The following UHRF1 variants were observed in gnomAD, a reference collection of about 807,000 sequenced individuals.
The protein encoded by UHRF1 is E3 ubiquitin-protein ligase UHRF1.
Under a neutral mutation model 96.5 loss-of-function variants are expected in UHRF1, and 9 were observed. The ratio of observed to expected loss-of-function variants is 0.09; its 90% CI spans 0.06 to 0.16. The LOEUF (loss-of-function observed/expected upper bound fraction) is 0.16, where lower values mean the gene tolerates loss of function less well. Among genes scored for constraint, UHRF1 ranks in the 10% least tolerant of loss-of-function variants. The probability of loss-of-function intolerance (pLI) is 1.00; values close to 1 mark genes in which losing one functional copy is unlikely to be tolerated. For synonymous variants in UHRF1, 455 were observed against 469.9 expected, an observed-to-expected ratio of 0.97 and a Z score of 0.41; for missense variants, 626 against 1,131.1, an observed-to-expected ratio of 0.55 and a Z score of 6.40.
chr19:4,947,032 TTG>T, intron 10 of UHRF1, 71 bp from the exon 11 acceptor site: 1 of 1,188,110 alleles, frequency 8.4e-7, no homozygotes, highest in East Asian at 2.4e-5. Context: ...CCTGGGGAGT[TTG>T]CTTTCAATGC....
chr19:4,951,011 G>T lies in UHRF1; in HGVS notation c.1818+15G>T. ...TGACCATGCAGGTGTGTCTGGGATG[G>T]GGGATGGCACTTTGGGAGGCCAAGG... is the stretch of plus-strand genomic sequence containing the variant. On this transcript the variant is annotated intron_variant, in intron 13 of 16. Transcript: ENST00000650932. The T allele has an allele frequency of 6.3e-7, 1 of 1,591,384 alleles. No homozygotes were observed. The highest frequency in any genetic ancestry group is 2.2e-5 in the East Asian group (1 of 44,518).
rs73534695 is a variant in UHRF1, at chr19:4,947,851, G to A, written c.1517+640G>A. ...GGTGGCTCACGCCTGTAATTCTCGC[G>A]CTTCAGGAGGCCGAGGCTCGAGGAT... is the stretch of plus-strand genomic sequence containing the variant. On this transcript the variant is annotated intron_variant, in intron 11 of 16. Transcript: ENST00000650932. Among the ~76,000 whole-genome samples the A allele has an allele frequency of 2.4e-3, 371 of 151,526 alleles. 1 individual carries two copies. Among genetic ancestry groups the A allele is most frequent in the African/African-American group, 8.3e-3 (343 of 41,478 alleles).
rs554764780 is a variant in UHRF1, at chr19:4,922,944, C to T, written c.154-6278C>T. Among the ~76,000 whole-genome samples the T allele has an allele frequency of 6.6e-5, 10 of 152,288 alleles. No homozygotes were observed. In the South Asian group the frequency reaches 1.2e-3, roughly 19 times the overall value. ...GGGAAGGGCCGAAGTCATGGAGGGGCGACCCGTCAGGCCCAGCAAGGGTGG... is the reference window on the plus strand; with the variant it reads ...GGGAAGGGCCGAAGTCATGGAGGGGTGACCCGTCAGGCCCAGCAAGGGTGG... On this transcript the variant is annotated intron_variant, in intron 2 of 16. Transcript: ENST00000650932.
intron 16 of UHRF1, among the ~76,000 whole-genome samples, chr19:4,959,291 C>T (rs1352308385): frequency 6.6e-6 from 1 of 150,544 alleles, no homozygotes; most frequent in African/African-American, 2.4e-5. Flanking sequence ...GATCACGCCA[C>T]TGCACTCCAG....
chr19:4,914,060 A>AC (rs1482362593), intron 2 of UHRF1, among the ~76,000 whole-genome samples: 2 of 150,290 alleles, frequency 1.3e-5, no homozygotes, highest in East Asian at 2.0e-4. Flanking sequence ...GGTGATTCAC[A>AC]CCCCCCTCCC....
At chr19:4,951,638 G>T (rs1052855973) in intron 13 of UHRF1, among the ~76,000 whole-genome samples, 6 of 149,790 alleles carry the variant, frequency 4.0e-5, no homozygotes, top group Non-Finnish European at 8.9e-5. Context: ...TTGGTAAAGG[G>T]ATCGCTGCAG....
intron 1 of UHRF1, chr19:4,910,646 T>A: frequency 2.5e-6 from 1 of 405,044 alleles, no homozygotes; most frequent in Non-Finnish European, 4.4e-6. Context: ...CTCTTTTCAT[T>A]CTCCTTCCTC....
chr19:4,947,318 T>C (rs1386369777), intron 11 of UHRF1, 107 bp downstream of exon 11: 2 of 1,035,362 alleles, frequency 1.9e-6, no homozygotes, highest in African/African-American at 3.2e-5. Flanking sequence ...AGGAGCGTGG[T>C]AGAACATAGC....
intron 2 of UHRF1, among the ~76,000 whole-genome samples, chr19:4,928,775 CT>C: frequency 6.6e-6 from 1 of 152,320 alleles, no homozygotes; most frequent in East Asian, 1.9e-4. Flanking sequence ...CTAGGAGCTT[CT>C]CCCAGTGGCG....
chr19:4,921,154 AGGATGCC>A (rs1267746091), intron 2 of UHRF1, among the ~76,000 whole-genome samples: 1 of 148,202 alleles, frequency 6.7e-6, no homozygotes, highest in African/African-American at 2.5e-5. Context: ...AAAATCGGCC[AGGATGCC>A]GGGCACGGTG....
chr19:4,924,221 C>T (rs2032795188), intron 2 of UHRF1, among the ~76,000 whole-genome samples: 1 of 152,192 alleles, frequency 6.6e-6, no homozygotes, highest in South Asian at 2.1e-4. Flanking sequence ...GTGATCTCGG[C>T]TCACGGCAAG....
intron 16 of UHRF1, among the ~76,000 whole-genome samples, chr19:4,957,899 C>A (rs936227241): frequency 6.6e-6 from 1 of 152,204 alleles, no homozygotes; most frequent in Non-Finnish European, 1.5e-5. Flanking sequence ...TGGCCAGAGC[C>A]GGCAGTCCCG....
chr19:4,911,387 A>C (rs1423479744), intron 2 of UHRF1, among the ~76,000 whole-genome samples: 3 of 152,162 alleles, frequency 2.0e-5, no homozygotes, highest in African/African-American at 7.2e-5. Context: ...AGGGCCCAGG[A>C]CCATCTGGTA....
chr19:4,957,695 G>C (rs1053443615), intron 16 of UHRF1, among the ~76,000 whole-genome samples: 12 of 152,156 alleles, frequency 7.9e-5, no homozygotes, highest in African/African-American at 2.2e-4. Flanking sequence ...CTGGATCATT[G>C]TCTGGGGTGG....
intron 2 of UHRF1, among the ~76,000 whole-genome samples, chr19:4,916,998 G>A (rs1001728756): frequency 6.6e-6 from 1 of 151,198 alleles, no homozygotes; most frequent in African/African-American, 2.4e-5. Flanking sequence ...CTGCTGTGCC[G>A]CTAGGCAGTG....
chr19:4,936,144 C>T (rs534091375), intron 5 of UHRF1, among the ~76,000 whole-genome samples: 3 of 152,254 alleles, frequency 2.0e-5, no homozygotes, highest in East Asian at 1.9e-4. Context: ...TCGGTCCAGG[C>T]GGCCTTGGGG....
At chr19:4,913,914 C>T (rs190066925) in intron 2 of UHRF1, among the ~76,000 whole-genome samples, 12 of 149,452 alleles carry the variant, frequency 8.0e-5, no homozygotes, top group Admixed American at 2.0e-4. Context: ...TGGGTTCCAG[C>T]GATTCTTCTG....
chr19:4,915,356 G>A (rs1568407296), intron 2 of UHRF1, among the ~76,000 whole-genome samples: 1 of 152,198 alleles, frequency 6.6e-6, no homozygotes, highest in African/African-American at 2.4e-5. Context: ...TTGTGGCCCC[G>A]AAGCAGCTGT....
At position 4,941,107 on chromosome 19, in the gene UHRF1, T is replaced by G. The variant is rs1361484479; in HGVS notation, c.786-421T>G. Among the ~76,000 whole-genome samples, 14 of 125,848 alleles carry G rather than the reference T, an allele frequency of 1.1e-4. No individual in the cohort carries two copies. The South Asian group carries it at 3.5e-3, about 31-fold the overall frequency. 82.6% of individuals were successfully genotyped at this position (125,848 alleles called of 152,430 possible). ...TTTGTTTTTTTTTTTTTTTTTTTTT[T>G]TGAGACTGAGTCTTGCCCTGTCGCC... On this transcript the variant is annotated intron_variant, in intron 5 of 16. Transcript: ENST00000650932.
Sources: gnomAD v4.1 joint callset for allele counts (sites outside exome capture counted in the v4.1 genomes callset) on GRCh38, gnomAD v4.1.1 for gene constraint, MANE v1.5 for transcripts, NCBI Gene and HGNC (gene_info 2026-07-23, HGNC 2026-07-21) for gene names.